OCIAD1: variants seen among roughly 807,000 people sequenced by gnomAD.
OCIAD1 encodes OCIA domain-containing protein 1.
OCIAD1 carries 29 observed loss-of-function variants against 38.9 expected under a neutral mutation model. The ratio of observed to expected loss-of-function variants is 0.74; its 90% CI spans 0.55 to 1.02. The LOEUF is 1.02. Among genes scored for constraint, OCIAD1 ranks in the 50% least tolerant of loss-of-function variants. The pLI is 0.00. For synonymous variants in OCIAD1, 110 were observed against 92.0 expected (o/e 1.20, Z -1.12); for missense variants, 288 against 289.6 (o/e 0.99, Z 0.04).
At chr4:48,827,193 C>A (rs12507475), upstream of OCIAD1, among the ~76,000 whole-genome samples, 150,195 of 152,338 alleles carry the variant, frequency 0.99, 74,070 homozygotes, top group East Asian at 1. Context: ...GAAGTTCAAG[C>A]GTTCATTTGA....
chr4:48,826,740 A>G (rs182207522), upstream of OCIAD1, among the ~76,000 whole-genome samples: 4 of 152,324 alleles, frequency 2.6e-5, no homozygotes, highest in Admixed American at 6.5e-5. Context: ...CAAAACAAAA[A>G]ATAACCTTCA....
chr4:48,819,716 C>CAAAAAAAAA (rs576081813), intron 1 of OCIAD1, among the ~76,000 whole-genome samples: 688 of 10,448 alleles, frequency 0.066, 257 homozygotes, highest in Middle Eastern at 0.1. Context: ...TTACCAAGCG[C>CAAAAAAAAA]AAAAAAAAAA....
intron 3 of OCIAD1, among the ~76,000 whole-genome samples, chr4:48,836,916 GTCA>G (rs2109529540): frequency 6.6e-6 from 1 of 152,340 alleles, no homozygotes; most frequent in East Asian, 1.9e-4. Context: ...TAGATGCATA[GTCA>G]TCATAAAGTA....
At chr4:48,844,602 C>T (rs527715722) in intron 4 of OCIAD1, among the ~76,000 whole-genome samples, 4 of 151,774 alleles carry the variant, frequency 2.6e-5, no homozygotes, top group East Asian at 1.9e-4. Flanking sequence ...GGCAACAGAG[C>T]GAGACTCTGT....
At chr4:48,836,785 G>T (rs189674415) in intron 3 of OCIAD1, among the ~76,000 whole-genome samples, 1 of 152,278 alleles carries the variant, frequency 6.6e-6, no homozygotes, top group Admixed American at 6.5e-5. Context: ...TTTCAAGCTA[G>T]AAAGAACCTG....
chr4:48,825,749 T>C (rs1777243812), intron 1 of OCIAD1, among the ~76,000 whole-genome samples: 1 of 152,170 alleles, frequency 6.6e-6, no homozygotes, highest in Non-Finnish European at 1.5e-5. Flanking sequence ...CTTCTTGCTC[T>C]TGTATTTTCT....
intron 1 of OCIAD1, among the ~76,000 whole-genome samples, chr4:48,810,165 G>A (rs563738561): frequency 6.6e-6 from 1 of 152,232 alleles, no homozygotes; most frequent in East Asian, 1.9e-4. Context: ...TAGGAGCAGA[G>A]TGCGTTAGCT....
chr4:48,832,295 A>G (rs1777578040), intron 1 of OCIAD1, among the ~76,000 whole-genome samples: 2 of 152,222 alleles, frequency 1.3e-5, no homozygotes, highest in South Asian at 4.1e-4. Context: ...ATAGGATGTG[A>G]AAGAACCCAC....
chr4:48,842,405 T>C (rs1195412666), intron 3 of OCIAD1, among the ~76,000 whole-genome samples: 1 of 152,242 alleles, frequency 6.6e-6, no homozygotes, highest in African/African-American at 2.4e-5. Flanking sequence ...CCTAGATGGT[T>C]CATGAATTAT....
chr4:48,810,579 T>G (rs1777077028), intron 1 of OCIAD1, among the ~76,000 whole-genome samples: 1 of 151,894 alleles, frequency 6.6e-6, no homozygotes, highest in South Asian at 2.1e-4. Context: ...ATATGATATA[T>G]ACTCACCAAT....
In OCIAD1 at chr4:48,833,176, C is replaced by T. The variant is rs1168177911; in HGVS notation, c.59-225C>T. Among the ~76,000 whole-genome samples the T allele has an allele frequency of 5.3e-5, 8 of 151,964 alleles. No homozygotes were observed. In the East Asian group the frequency reaches 5.8e-4, roughly 11 times the overall value. ...TGAGGCAGGAGAATCGCTTGAACCC[C>T]GGGAGGTGGAGGTTGCAGTGAGCCG... On this transcript the variant is annotated intron_variant, in intron 2 of 8. Transcript: ENST00000264312.
At chr4:48,818,516 TC>T (rs1777162631) in intron 1 of OCIAD1, among the ~76,000 whole-genome samples, 1 of 152,144 alleles carries the variant, frequency 6.6e-6, no homozygotes, top group African/African-American at 2.4e-5. Flanking sequence ...AGGCCTATTC[TC>T]CTCCAAATGA....
chr4:48,850,349 C>T (rs1214690407), intron 6 of OCIAD1, among the ~76,000 whole-genome samples: 2 of 152,132 alleles, frequency 1.3e-5, no homozygotes, highest in African/African-American at 4.8e-5. Context: ...GCCTCAAACT[C>T]CTGGGTTCAC....
At chr4:48,847,019 A>AT (rs1579086973) in intron 4 of OCIAD1, among the ~76,000 whole-genome samples, 1 of 152,240 alleles carries the variant, frequency 6.6e-6, no homozygotes, top group East Asian at 1.9e-4. Flanking sequence ...TGGGTCATAG[A>AT]TTTTGTATAT....
At chr4:48,841,415 A>G (rs552175734) in intron 3 of OCIAD1, among the ~76,000 whole-genome samples, 1 of 152,226 alleles carries the variant, frequency 6.6e-6, no homozygotes, top group Non-Finnish European at 1.5e-5. Flanking sequence ...CCAGGTCCCA[A>G]GAGTTCTCTT....
At chr4:48,827,407 G>T (rs1359588413), upstream of OCIAD1, among the ~76,000 whole-genome samples, 1 of 152,132 alleles carries the variant, frequency 6.6e-6, no homozygotes, top group African/African-American at 2.4e-5. Flanking sequence ...TAATCCAGGT[G>T]GATCGATTTC....
intron 3 of OCIAD1, among the ~76,000 whole-genome samples, chr4:48,839,343 G>A (rs571562860): frequency 1.9e-4 from 29 of 151,896 alleles, no homozygotes; most frequent in African/African-American, 6.5e-4. Context: ...GGCTGAGGCA[G>A]GAGAATGGCT....
At chr4:48,823,202 A>G (rs1447509847) in intron 1 of OCIAD1, among the ~76,000 whole-genome samples, 1 of 152,220 alleles carries the variant, frequency 6.6e-6, no homozygotes, top group Non-Finnish European at 1.5e-5. Flanking sequence ...ATGGAATACT[A>G]TGGAGCCATA....
intron 3 of OCIAD1, among the ~76,000 whole-genome samples, chr4:48,834,479 A>T (rs1415839173): frequency 2.6e-5 from 4 of 152,036 alleles, no homozygotes; most frequent in Non-Finnish European, 4.4e-5. Flanking sequence ...ATTTTTTTTT[A>T]AAAAAGGCAA....
Sources: gnomAD v4.1 joint callset for allele counts (sites outside exome capture counted in the v4.1 genomes callset) on GRCh38, gnomAD v4.1.1 for gene constraint, MANE v1.5 for transcripts, NCBI Gene and HGNC (gene_info 2026-07-23, HGNC 2026-07-21) for gene names.